WFDC1: variants seen among roughly 807,000 people sequenced by gnomAD.
The protein encoded by WFDC1 is WAP four-disulfide core domain protein 1.
Under a neutral mutation model 32.9 loss-of-function variants are expected in WFDC1, and 39 were observed. The ratio of observed to expected loss-of-function variants is 1.19; its 90% CI spans 0.92 to 1.55. The LOEUF (loss-of-function observed/expected upper bound fraction) is 1.55. Among genes scored for constraint, WFDC1 ranks in the 40% most tolerant of loss-of-function variants. WFDC1 has a pLI of 0.00. For missense variants in WFDC1, 386 were observed against 309.5 expected (o/e 1.25, Z -1.85); for synonymous variants, 184 against 137.4 (o/e 1.34, Z -2.37).
chr16:84,300,014 C>A (rs893312139), intron 1 of WFDC1, among the ~76,000 whole-genome samples: 1 of 152,238 alleles, frequency 6.6e-6, no homozygotes, highest in African/African-American at 2.4e-5. Context: ...CTCCTTTCCC[C>A]CATTATTTCT....
At chr16:84,304,766 G>A (rs978395608) in intron 1 of WFDC1, among the ~76,000 whole-genome samples, 1 of 152,168 alleles carries the variant, frequency 6.6e-6, no homozygotes, top group Non-Finnish European at 1.5e-5. Context: ...GTTTTCATCT[G>A]AGAGGCAACA....
intron 1 of WFDC1, among the ~76,000 whole-genome samples, chr16:84,299,889 G>T (rs934875658): frequency 6.6e-6 from 1 of 151,828 alleles, no homozygotes; most frequent in African/African-American, 2.4e-5. Context: ...CCTGCCAGAC[G>T]GGGGGAGGGA....
In WFDC1 at chr16:84,306,439, C is replaced by T. The variant is rs188489281; in HGVS notation, c.145-6522C>T. The stretch of plus-strand genomic sequence containing the variant: ...GAACAGTGTGCGGAAGCCTCCAAGG[C>T]CAGGAGGAGCAGCGAATCCTCAGAA... On this transcript the variant is annotated intron_variant, in intron 1 of 6. Transcript: ENST00000219454. Among the ~76,000 whole-genome samples, 79 of 152,266 alleles carry T rather than the reference C, an allele frequency of 5.2e-4. 1 individual carries two copies. The South Asian group carries it at 9.7e-3, about 19-fold the overall frequency.
At chr16:84,295,300 G>C (rs1906528558) in intron 1 of WFDC1, 185 bp downstream of exon 1, 3 of 655,098 alleles carry the variant, frequency 4.6e-6, no homozygotes, top group Admixed American at 3.6e-5. Context: ...CCCAAAAAAG[G>C]ACCCTTATCT....
At chr16:84,309,335 C>G (rs759009718) in intron 1 of WFDC1, among the ~76,000 whole-genome samples, 3 of 152,048 alleles carry the variant, frequency 2.0e-5, no homozygotes, top group African/African-American at 7.2e-5. Flanking sequence ...GGGACTTTGT[C>G]CCGAGGGTGC....
intron 2 of WFDC1, among the ~76,000 whole-genome samples, chr16:84,314,513 C>T (rs766453566): frequency 2.0e-5 from 3 of 152,116 alleles, no homozygotes; most frequent in Admixed American, 6.5e-5. Context: ...AGCCCCTCCT[C>T]CCAAGGCTGA....
intron 1 of WFDC1, among the ~76,000 whole-genome samples, chr16:84,312,064 C>A (rs1245401837): frequency 6.6e-6 from 1 of 152,104 alleles, no homozygotes; most frequent in Non-Finnish European, 1.5e-5. Context: ...ACTCGGGAGG[C>A]TGAGGCAGGA....
intron 1 of WFDC1, among the ~76,000 whole-genome samples, chr16:84,307,053 C>T (rs973412302): frequency 2.6e-5 from 4 of 151,254 alleles, no homozygotes; most frequent in African/African-American, 9.7e-5. Flanking sequence ...GGTGGGTGGG[C>T]GGGGAAAGAG....
chr16:84,314,360 G>A (rs76779872), intron 2 of WFDC1, among the ~76,000 whole-genome samples: 6,430 of 152,230 alleles, frequency 0.042, 173 homozygotes, highest in Non-Finnish European at 0.06. Context: ...GCCCCTAAGC[G>A]GGTAGGATTT....
At chr16:84,299,125 C>G (rs900265938) in intron 1 of WFDC1, among the ~76,000 whole-genome samples, 6 of 152,178 alleles carry the variant, frequency 3.9e-5, no homozygotes, top group African/African-American at 1.4e-4. Context: ...CTTTGGGAGG[C>G]CAAGGCAGGC....
chr16:84,309,644 G>A (rs1026578470), intron 1 of WFDC1, among the ~76,000 whole-genome samples: 1 of 152,104 alleles, frequency 6.6e-6, no homozygotes, highest in African/African-American at 2.4e-5. Context: ...TCTGGGGCCA[G>A]AAGTTCAGCA....
rs1158632044 is a variant in WFDC1, at chr16:84,303,453, A to T, written c.144+8338A>T. On this transcript the variant is annotated intron_variant, in intron 1 of 6. Transcript: ENST00000219454. ...AAGTGGTTTATAAATTCTTCTACTG[A>T]TTATTAAAAGAATGATGTTTACTGT... Among the ~76,000 whole-genome samples, 4 of 151,084 alleles carry T rather than the reference A, an allele frequency of 2.6e-5. No individual in the cohort carries two copies. The South Asian group carries it at 6.4e-4, about 24-fold the overall frequency.
chr16:84,303,667 A>C, intron 1 of WFDC1, among the ~76,000 whole-genome samples: 1 of 152,178 alleles, frequency 6.6e-6, no homozygotes, highest in East Asian at 1.9e-4. Flanking sequence ...GATTTCTTTT[A>C]TTGAAATGAA....
At chr16:84,329,238 C>G (rs1168240138) in intron 6 of WFDC1, 84 bp from the exon 7 acceptor site, 2 of 152,178 alleles carry the variant, frequency 1.3e-5, no homozygotes, top group Non-Finnish European at 2.9e-5. Context: ...TGTGGTCTGC[C>G]CTGCAGTGGT....
chr16:84,297,227 C>T lies in WFDC1; in HGVS notation c.144+2112C>T, dbSNP rs181741788. Among the ~76,000 whole-genome samples, 3 of 152,232 alleles carry T rather than the reference C, an allele frequency of 2.0e-5. No individual in the cohort carries two copies. In the East Asian group the frequency reaches 5.8e-4, roughly 29 times the overall value. On this transcript the variant is annotated intron_variant, in intron 1 of 6. Coordinates refer to ENST00000219454, the MANE Select transcript of WFDC1 (RefSeq NM_021197.4). ...GCCACCACTGGTCAGGATGCAAGTG[C>T]TTTGAATTGGCTCCTCGCTGAATTG...
intron 4 of WFDC1, among the ~76,000 whole-genome samples, chr16:84,320,001 G>T (rs1350433105): frequency 6.6e-6 from 1 of 152,206 alleles, no homozygotes; most frequent in Non-Finnish European, 1.5e-5. Context: ...ATCCACGTAT[G>T]TGTAGATGGA....
At chr16:84,316,055 A>C (rs1304630340) in intron 2 of WFDC1, 1 of 152,252 alleles carries the variant, frequency 6.6e-6, no homozygotes, top group Non-Finnish European at 1.5e-5. Context: ...ATCAAGGCAA[A>C]AGAGAATACA....
intron 2 of WFDC1, among the ~76,000 whole-genome samples, chr16:84,314,041 CA>C (rs11296589): frequency 0.75 from 110,592 of 147,926 alleles, 41,488 homozygotes; most frequent in East Asian, 0.99. Flanking sequence ...GACTCTGTCT[CA>C]AAAAAAAAAA....
At chr16:84,305,650 C>G (rs1322271653) in intron 1 of WFDC1, among the ~76,000 whole-genome samples, 5 of 152,060 alleles carry the variant, frequency 3.3e-5, no homozygotes, top group African/African-American at 4.8e-5. Context: ...TGAAGAAAGA[C>G]TGGAAGATAT....
Sources: gnomAD v4.1 joint callset for allele counts (sites outside exome capture counted in the v4.1 genomes callset) on GRCh38, gnomAD v4.1.1 for gene constraint, MANE v1.5 for transcripts, NCBI Gene and HGNC (gene_info 2026-07-23, HGNC 2026-07-21) for gene names.